BHLHE22: variants seen among roughly 807,000 people sequenced by gnomAD.
BHLHE22 encodes the protein class E basic helix-loop-helix protein 22.
A neutral mutation model predicts 17.6 loss-of-function variants in BHLHE22; 8 were observed. The observed-to-expected ratio is 0.45, with a 90% CI of 0.27 to 0.82. BHLHE22 has a LOEUF of 0.82. Among genes scored for constraint, BHLHE22 ranks in the 40% least tolerant of loss-of-function variants. The pLI is 0.16. For synonymous variants in BHLHE22, 353 were observed against 282.7 expected (o/e 1.25, Z -2.49); for missense variants, 570 against 581.5 (o/e 0.98, Z 0.20).
chr8:64,581,932 C>T lies in BHLHE22; in HGVS notation c.1142C>T (p.Pro381Leu). 2 of 1,611,470 alleles carry T rather than the reference C, an allele frequency of 1.2e-6. No homozygotes were observed. The highest frequency in any genetic ancestry group is 1.7e-5 in the Admixed American group (1 of 59,766). The change falls in exon 1 of 1, where the codon CCT becomes CTT. Residue 381 changes from proline (P) to leucine (L), a missense_variant. Pro to Leu is a moderately conservative substitution (Grantham distance 98, BLOSUM62 -3). Coordinates refer to ENST00000321870, the MANE Select transcript of BHLHE22 (RefSeq NM_152414.5). The surrounding 1 kb of genome is among the most constrained non-coding windows in gnomAD (Gnocchi z 6.4). ...SSLCKQCTEK[P>L] The stretch of plus-strand genomic sequence containing the variant: ...CTCTGCAAACAGTGCACGGAGAAGC[C>T]TTAAACACACCCCCGAAAAACACAA...
rs1804918570 is a variant in BHLHE22 at position 64,582,443 on chromosome 8, T to G, written c.*507T>G. On this transcript the variant is annotated 3_prime_UTR_variant, in exon 1 of 1. Transcript: ENST00000321870. Reference sequence around the variant, plus strand: ...AGAAAGGGCACTTGAAAATAAATTTTGATTCTGAGCCAGGAGAAAAACTTG... The same window carrying G: ...AGAAAGGGCACTTGAAAATAAATTTGGATTCTGAGCCAGGAGAAAAACTTG... 5.9e-6 allele frequency: 1 copy of G among 169,026 alleles called. No homozygotes were observed. The highest frequency in any genetic ancestry group is 1.4e-5 in the Non-Finnish European group (1 of 69,806). 10.5% of individuals were successfully genotyped at this position (169,026 alleles called of 1,614,324 possible). A position where few individuals can be genotyped will look rare whatever the true frequency, so the allele number is the denominator to read the frequency against.
rs1166189499 is a variant in BHLHE22 at position 64,580,847 on chromosome 8, G to A, written c.57G>A (p.Leu19=). The part of the protein sequence containing the change: ...AAAAGEDDLF[L]HKSLSASTSK... Reference sequence around the variant, plus strand: ...CCGCCGGCGAGGACGACCTCTTCCTGCACAAGAGCCTGAGCGCCTCCACCT... The same window carrying A: ...CCGCCGGCGAGGACGACCTCTTCCTACACAAGAGCCTGAGCGCCTCCACCT... Residue 19 remains leucine (L), a synonymous_variant, in exon 1 of 1, where the codon CTG becomes CTA. Coordinates refer to ENST00000321870, the MANE Select transcript of BHLHE22 (RefSeq NM_152414.5). The A allele has an allele frequency of 6.7e-7, 1 of 1,497,346 alleles. No individual in the cohort carries two copies. Among genetic ancestry groups the A allele is most frequent in the Non-Finnish European group, 8.8e-7 (1 of 1,131,838 alleles). The allele number at this position is 1,497,346 out of a possible 1,614,324, so 92.8% of individuals were successfully genotyped here. A position where few individuals can be genotyped will look rare whatever the true frequency, so the allele number is the denominator to read the frequency against.
rs1191672687 is a variant in BHLHE22 at position 64,582,016 on chromosome 8, C to T, written c.*80C>T. On this transcript the variant is annotated 3_prime_UTR_variant, in exon 1 of 1. Coordinates refer to ENST00000321870, the MANE Select transcript of BHLHE22 (RefSeq NM_152414.5). ...TGCTCCCCACCCCCTTTATTTTGGT[C>T]CTCTCGTAGTTGTGAAACACTTGCA... The T allele has an allele frequency of 8.7e-6, 13 of 1,500,396 alleles. No homozygotes were observed. Among genetic ancestry groups the T allele is most frequent in the East Asian group, 4.9e-5 (2 of 40,812 alleles). The allele number at this position is 1,500,396 out of a possible 1,614,324, so 92.9% of individuals were successfully genotyped here.
Position 64,581,361 on chromosome 8 carries a change from G to C in BHLHE22, c.571G>C (p.Gly191Arg). Reference sequence around the variant, plus strand: ...GGGCTGCTCCAATGCCCACCTCCACGGCGGCGCCAGCGTCCCCCCGGGGGG... The same window carrying C: ...GGGCTGCTCCAATGCCCACCTCCACCGCGGCGCCAGCGTCCCCCCGGGGGG... ...AEGCSNAHLH[G>R]GASVPPGGLG... The change falls in exon 1 of 1, where the codon GGC (glycine) becomes CGC (arginine). Residue 191 changes from glycine to arginine, a missense_variant. Around this residue, in one of 3 missense-constraint regions of BHLHE22, gnomAD observed 427 missense variants for 376.2 expected, o/e 1.14. Coordinates refer to ENST00000321870, the MANE Select transcript of BHLHE22 (RefSeq NM_152414.5). The surrounding 1 kb of genome is among the most constrained non-coding windows in gnomAD (Gnocchi z 6.4). The C allele has an allele frequency of 6.8e-7, 1 of 1,471,922 alleles. No individual in the cohort carries two copies. Among genetic ancestry groups the C allele is most frequent in the East Asian group, 2.6e-5 (1 of 38,944 alleles). 91.2% of individuals were successfully genotyped at this position (1,471,922 alleles called of 1,614,324 possible).
rs1353277047 is a variant in BHLHE22, at chr8:64,583,121, T to G, written c.*1185T>G. 6.0e-6 allele frequency: 1 copy of G among 167,104 alleles called. No homozygotes were observed. Among genetic ancestry groups the G allele is most frequent in the Non-Finnish European group, 1.5e-5 (1 of 68,128 alleles). The allele number at this position is 167,104 out of a possible 1,614,324, so 10.4% of individuals were successfully genotyped here. A position where few individuals can be genotyped will look rare whatever the true frequency, so the allele number is the denominator to read the frequency against. On this transcript the variant is annotated 3_prime_UTR_variant, in exon 1 of 1. Coordinates refer to ENST00000321870, the MANE Select transcript of BHLHE22 (RefSeq NM_152414.5). The stretch of plus-strand genomic sequence containing the variant: ...ACGTAAGAACATGCTAAGCAAATAT[T>G]TTTCCAGGCTGTGCTGTGCATTTTT...
chr8:64,580,742 G>A lies in BHLHE22; in HGVS notation c.-49G>A, dbSNP rs1364836109. ...CGCCTGACTCCGGGGCCGAGGCGGCGGCGGCGGCAGCGGGCGCGGCGGCCC... is the reference window on the plus strand; with the variant it reads ...CGCCTGACTCCGGGGCCGAGGCGGCAGCGGCGGCAGCGGGCGCGGCGGCCC... On this transcript the variant is annotated 5_prime_UTR_variant, in exon 1 of 1. Transcript: ENST00000321870. 1.9e-6 allele frequency: 2 copies of A among 1,040,548 alleles called. No homozygotes were observed. The highest frequency in any genetic ancestry group is 1.2e-6 in the Non-Finnish European group (1 of 866,032). 64.5% of individuals were successfully genotyped at this position (1,040,548 alleles called of 1,614,324 possible).
In BHLHE22 at chr8:64,581,192, C is replaced by T. The variant is rs751094634; in HGVS notation, c.402C>T (p.Ser134=). ...ALCLKYGESA[S]RGSVAESSGG... ...GCCTCAAGTACGGCGAAAGCGCGAG[C>T]CGGGGCTCGGTGGCCGAGAGCAGCG... is the stretch of plus-strand genomic sequence containing the variant. Residue 134 remains serine (S), a synonymous_variant, in exon 1 of 1, where the codon AGC becomes AGT. Coordinates refer to ENST00000321870, the MANE Select transcript of BHLHE22 (RefSeq NM_152414.5). This position sits in a 1 kb window ranked among gnomAD's most constrained non-coding sequence, Gnocchi z 6.4. 3.5e-6 allele frequency: 5 copies of T among 1,435,684 alleles called. No homozygotes were observed. Among genetic ancestry groups the T allele is most frequent in the Non-Finnish European group, 4.5e-6 (5 of 1,105,816 alleles). The allele number at this position is 1,435,684 out of a possible 1,614,324, so 88.9% of individuals were successfully genotyped here. A position where few individuals can be genotyped will look rare whatever the true frequency, so the allele number is the denominator to read the frequency against.
At position 64,581,921 on chromosome 8, in the gene BHLHE22, C is replaced by T; in HGVS notation, c.1131C>T (p.Cys377=). The change falls in exon 1 of 1, where the codon TGC becomes TGT. Residue 377 remains cysteine, a synonymous_variant. Transcript: ENST00000321870. This position sits in a 1 kb window ranked among gnomAD's most constrained non-coding sequence, Gnocchi z 6.4. ...NSVSSSLCKQ[C]TEKP ...TCTCCTCCAGCCTCTGCAAACAGTG[C>T]ACGGAGAAGCCTTAAACACACCCCC... 6.2e-7 allele frequency: 1 copy of T among 1,611,562 alleles called. No homozygotes were observed. Among genetic ancestry groups the T allele is most frequent in the Non-Finnish European group, 8.5e-7 (1 of 1,179,642 alleles).
Position 64,582,072 on chromosome 8 carries a change from A to G in BHLHE22, c.*136A>G. 2.8e-6 allele frequency: 3 copies of G among 1,069,572 alleles called. No homozygotes were observed. Among genetic ancestry groups the G allele is most frequent in the South Asian group, 3.0e-5 (2 of 67,176 alleles). The allele number at this position is 1,069,572 out of a possible 1,614,324, so 66.3% of individuals were successfully genotyped here. A position where few individuals can be genotyped will look rare whatever the true frequency, so the allele number is the denominator to read the frequency against. The stretch of plus-strand genomic sequence containing the variant: ...AACAAAGCAGAGGCAAGAACTGAGG[A>G]GAAGTATCAGAGACAAACGGGACTT... On this transcript the variant is annotated 3_prime_UTR_variant, in exon 1 of 1. Coordinates refer to ENST00000321870, the MANE Select transcript of BHLHE22 (RefSeq NM_152414.5).
In BHLHE22 at chr8:64,581,101, T is replaced by C; in HGVS notation, c.311T>C (p.Leu104Pro). The C allele has an allele frequency of 7.5e-7, 1 of 1,332,038 alleles. No homozygotes were observed. 82.5% of individuals were successfully genotyped at this position (1,332,038 alleles called of 1,614,324 possible). ...GGGGVGVPGL[L>P]VGSAGVGGDP... ...GGCGGGGTGGGTGTCCCCGGGCTGC[T>C]AGTAGGTTCAGCCGGCGTTGGGGGC... Residue 104 changes from leucine to proline, a missense_variant, in exon 1 of 1, where the codon CTA (leucine) becomes CCA (proline). Leu to Pro is a moderately conservative substitution (Grantham distance 98). Transcript: ENST00000321870. The surrounding 1 kb of genome is among the most constrained non-coding windows in gnomAD (Gnocchi z 6.4).
chr8:64,580,891 CT>C lies in BHLHE22; in HGVS notation c.104del (p.Phe35SerfsTer70). On this transcript the variant is annotated frameshift_variant, in exon 1 of 1. Transcript: ENST00000321870. LOFTEE classifies it high-confidence loss of function. Reference protein sequence around the residue: ...SASTSKRLEAAFRSTPPGMDL... With the variant: ...SASTSKRLEAXFRSTPPGMDL... The stretch of plus-strand genomic sequence containing the variant: ...TCCACCTCCAAGCGCTTGGAAGCGG[CT>C]TTCCGCTCCACGCCCCCGGGCATGG... The C allele has an allele frequency of 6.6e-7, 1 of 1,521,776 alleles. No individual in the cohort carries two copies. Among genetic ancestry groups the C allele is most frequent in the South Asian group, 1.2e-5 (1 of 81,070 alleles). The allele number at this position is 1,521,776 out of a possible 1,614,324, so 94.3% of individuals were successfully genotyped here. A position where few individuals can be genotyped will look rare whatever the true frequency, so the allele number is the denominator to read the frequency against.
At position 64,582,744 on chromosome 8, in the gene BHLHE22, C is replaced by T. The variant is rs1804923881; in HGVS notation, c.*808C>T. 1 of 167,072 alleles carries T rather than the reference C, an allele frequency of 6.0e-6. No homozygotes were observed. The highest frequency in any genetic ancestry group is 1.5e-5 in the Non-Finnish European group (1 of 68,124). The allele number at this position is 167,072 out of a possible 1,614,324, so 10.3% of individuals were successfully genotyped here. ...TTGTTATTCTTCAATGACCCTTCCA[C>T]ATCAACAGTATTTATCATGTGTTAA... On this transcript the variant is annotated 3_prime_UTR_variant, in exon 1 of 1. Coordinates refer to ENST00000321870, the MANE Select transcript of BHLHE22 (RefSeq NM_152414.5).
chr8:64,581,899 C>T lies in BHLHE22; in HGVS notation c.1109C>T (p.Ser370Phe). 1 of 1,611,214 alleles carries T rather than the reference C, an allele frequency of 6.2e-7. No homozygotes were observed. Among genetic ancestry groups the T allele is most frequent in the Non-Finnish European group, 8.5e-7 (1 of 1,179,694 alleles). Residue 370 changes from serine to phenylalanine, a missense_variant, in exon 1 of 1, where the codon TCC becomes TTC. Ser to Phe is a radical substitution (Grantham distance 155). This residue lies in a region of BHLHE22 where 111 missense variants were observed against 122.0 expected (regional missense o/e 0.91). Transcript: ENST00000321870. This position sits in a 1 kb window ranked among gnomAD's most constrained non-coding sequence, Gnocchi z 6.4. Reference sequence around the variant, plus strand: ...AAGTGCGCCCTGTTTAACAGCGTCTCCTCCAGCCTCTGCAAACAGTGCACG... The same window carrying T: ...AAGTGCGCCCTGTTTAACAGCGTCTTCTCCAGCCTCTGCAAACAGTGCACG... ...PEKCALFNSV[S>F]SSLCKQCTEK...
Position 64,581,765 on chromosome 8 carries a change from G to A in BHLHE22, c.975G>A (p.Ala325=). 1 of 1,589,346 alleles carries A rather than the reference G, an allele frequency of 6.3e-7. No homozygotes were observed. Among genetic ancestry groups the A allele is most frequent in the South Asian group, 1.1e-5 (1 of 89,228 alleles). ...AISAASLPSS[A]AAAAAAAALH... is the part of the protein sequence containing the mutation. Reference sequence around the variant, plus strand: ...CGGCTGCCTCCCTGCCCAGCTCGGCGGCTGCAGCGGCAGCAGCTGCTGCCC... The same window carrying A: ...CGGCTGCCTCCCTGCCCAGCTCGGCAGCTGCAGCGGCAGCAGCTGCTGCCC... Residue 325 remains alanine (A), a synonymous_variant, in exon 1 of 1, where the codon GCG becomes GCA. Transcript: ENST00000321870. This position sits in a 1 kb window ranked among gnomAD's most constrained non-coding sequence, Gnocchi z 6.4.
chr8:64,581,819 G>A lies in BHLHE22; in HGVS notation c.1029G>A (p.Gln343=). Residue 343 remains glutamine (Q), a synonymous_variant, in exon 1 of 1, where the codon CAG becomes CAA. Transcript: ENST00000321870. The surrounding 1 kb of genome is among the most constrained non-coding windows in gnomAD (Gnocchi z 6.4). ...ALHPALGAYE[Q]AAGYPFSAGL... Reference sequence around the variant, plus strand: ...ACCCGGCGCTCGGCGCCTACGAGCAGGCAGCCGGCTACCCGTTCAGCGCCG... The same window carrying A: ...ACCCGGCGCTCGGCGCCTACGAGCAAGCAGCCGGCTACCCGTTCAGCGCCG... The A allele has an allele frequency of 6.2e-6, 10 of 1,600,076 alleles. No individual in the cohort carries two copies. Among genetic ancestry groups the A allele is most frequent in the East Asian group, 2.3e-5 (1 of 44,242 alleles).
In BHLHE22 at chr8:64,581,463, GGCAGCAGCAGCAGCA is replaced by G. The variant is rs34265378; in HGVS notation, c.689_703del (p.Ser230_Ser234del). ...TGGCGGTAGCGGTAGCGGCAGCGGCGGCAGCAGCAGCAGCAGCAGCAGCAGCAGCAAGAAATCCAA... is the reference window on the plus strand; with the variant it reads ...TGGCGGTAGCGGTAGCGGCAGCGGCGGCAGCAGCAGCAGCAAGAAATCCAA... On this transcript the variant is annotated inframe_deletion, in exon 1 of 1. Transcript: ENST00000321870. This position sits in a 1 kb window ranked among gnomAD's most constrained non-coding sequence, Gnocchi z 6.4. The G allele has an allele frequency of 1.3e-4, 195 of 1,450,754 alleles. No homozygotes were observed. The highest frequency in any genetic ancestry group is 2.0e-4 in the Admixed American group (10 of 49,232). 89.9% of individuals were successfully genotyped at this position (1,450,754 alleles called of 1,614,324 possible). A position where few individuals can be genotyped will look rare whatever the true frequency, so the allele number is the denominator to read the frequency against.
rs1000365268 is a variant in BHLHE22 at position 64,582,716 on chromosome 8, T to C, written c.*780T>C. ...TGATGTATTAACAATTCATGGTATT[T>C]ATTTGTTATTCTTCAATGACCCTTC... On this transcript the variant is annotated 3_prime_UTR_variant, in exon 1 of 1. Transcript: ENST00000321870. 3.0e-5 allele frequency: 5 copies of C among 167,122 alleles called. No individual in the cohort carries two copies. Among genetic ancestry groups the C allele is most frequent in the African/African-American group, 1.2e-4 (5 of 41,466 alleles). The allele number at this position is 167,122 out of a possible 1,614,324, so 10.4% of individuals were successfully genotyped here.
chr8:64,581,457 A>AGCGGCAGCG lies in BHLHE22; in HGVS notation c.672_673insAGCGGCGGC (p.Gly224_Gly225insSerGlyGly), dbSNP rs1554581641. The AGCGGCAGCG allele has an allele frequency of 3.9e-6, 6 of 1,533,406 alleles. No individual in the cohort carries two copies. The highest frequency in any genetic ancestry group is 4.4e-6 in the Non-Finnish European group (5 of 1,144,064). 95.0% of individuals were successfully genotyped at this position (1,533,406 alleles called of 1,614,324 possible). On this transcript the variant is annotated inframe_insertion, in exon 1 of 1. Coordinates refer to ENST00000321870, the MANE Select transcript of BHLHE22 (RefSeq NM_152414.5). The surrounding 1 kb of genome is among the most constrained non-coding windows in gnomAD (Gnocchi z 6.4). The stretch of plus-strand genomic sequence containing the variant: ...CGGCGGTGGCGGTAGCGGTAGCGGC[A>AGCGGCAGCG]GCGGCGGCAGCAGCAGCAGCAGCAG...
At position 64,581,965 on chromosome 8, in the gene BHLHE22, C is replaced by T; in HGVS notation, c.*29C>T. On this transcript the variant is annotated 3_prime_UTR_variant, in exon 1 of 1. Coordinates refer to ENST00000321870, the MANE Select transcript of BHLHE22 (RefSeq NM_152414.5). This position sits in a 1 kb window ranked among gnomAD's most constrained non-coding sequence, Gnocchi z 6.4. The stretch of plus-strand genomic sequence containing the variant: ...CACCCCCGAAAAACACAAGACCGAC[C>T]CAAAATCTAGAGGAAAGCGAAAAGC... 6.2e-7 allele frequency: 1 copy of T among 1,606,560 alleles called. No homozygotes were observed. The highest frequency in any genetic ancestry group is 1.7e-5 in the Admixed American group (1 of 58,768).
Sources: gnomAD v4.1 joint callset for allele counts on GRCh38, gnomAD v4.1.1 for gene constraint, gnomAD v4.1.1 regional missense constraint, Gnocchi (gnomAD v3.1) non-coding constraint, MANE v1.5 for transcripts, NCBI Gene and HGNC (gene_info 2026-07-23, HGNC 2026-07-21) for gene names.